FGF13: variants seen among roughly 807,000 people sequenced by gnomAD.
FGF13 encodes fibroblast growth factor 13.
FGF13 carries 2 observed loss-of-function variants against 19.5 expected under a neutral mutation model. The observed-to-expected ratio is 0.10, with a 90% CI of 0.04 to 0.32. FGF13 has a LOEUF of 0.32. FGF13 is among the 10% of genes least tolerant of loss of function. FGF13 has a pLI of 1.00. For missense variants in FGF13, 113 were observed against 192.7 expected, an observed-to-expected ratio of 0.59 and a Z score of 2.45; for synonymous variants, 72 against 76.9, an observed-to-expected ratio of 0.94 and a Z score of 0.33.
At chrX:139,157,919 A>ATGG (rs1391116740) in intron 1 of FGF13, among the ~76,000 whole-genome samples, 1 of 112,236 alleles carries the variant, frequency 8.9e-6, no homozygotes, top group Non-Finnish European at 1.9e-5. Context: ...GCTCATCTCA[A>ATGG]TGGGACTGGT....
intron 1 of FGF13, among the ~76,000 whole-genome samples, chrX:139,123,167 C>T (rs938129376): frequency 8.9e-6 from 1 of 111,802 alleles, no homozygotes; most frequent in Non-Finnish European, 1.9e-5. Flanking sequence ...GACAGTGTTC[C>T]TGTTCCCACC....
intron 1 of FGF13, among the ~76,000 whole-genome samples, chrX:139,129,181 A>AGG (rs1556370095): frequency 1.1e-5 from 1 of 87,100 alleles, no homozygotes; most frequent in Non-Finnish European, 2.2e-5. Context: ...ACACACACAC[A>AGG]TGTGTGTGTG....
intron 1 of FGF13, among the ~76,000 whole-genome samples, chrX:138,870,533 C>T (rs1277219624): frequency 1.1e-4 from 12 of 112,157 alleles, no homozygotes; most frequent in African/African-American, 3.9e-4. Context: ...TCAAAAATGC[C>T]CATGTCCTAA....
At chrX:138,996,192 C>T (rs2094160784) in intron 1 of FGF13, among the ~76,000 whole-genome samples, 1 of 112,300 alleles carries the variant, frequency 8.9e-6, no homozygotes, top group African/African-American at 3.2e-5. Context: ...ACAGTGGGCG[C>T]AACCCACAGA....
intron 3 of FGF13, among the ~76,000 whole-genome samples, chrX:138,841,339 C>T (rs1024238864): frequency 9.0e-5 from 10 of 110,883 alleles, no homozygotes; most frequent in African/African-American, 1.3e-4. Flanking sequence ...GCTCAACCAA[C>T]GCAGCAAAAA....
At chrX:139,036,336 T>C (rs908547690) in intron 1 of FGF13, among the ~76,000 whole-genome samples, 1 of 111,385 alleles carries the variant, frequency 9.0e-6, no homozygotes, top group Non-Finnish European at 1.9e-5. Flanking sequence ...CTCCTTTCTA[T>C]GGAGTTTACT....
chrX:139,018,352 A>G (rs981375636), intron 1 of FGF13, among the ~76,000 whole-genome samples: 3 of 111,841 alleles, frequency 2.7e-5, no homozygotes, highest in Non-Finnish European at 5.6e-5. Flanking sequence ...TACCAGGACT[A>G]TCAGGCCAGT....
intron 1 of FGF13, among the ~76,000 whole-genome samples, chrX:138,941,240 A>G (rs2091757053): frequency 8.9e-6 from 1 of 111,774 alleles, no homozygotes; most frequent in Non-Finnish European, 1.9e-5. Flanking sequence ...GAAATAAAAG[A>G]CATCCAAATA....
intron 1 of FGF13, among the ~76,000 whole-genome samples, chrX:139,026,799 T>C (rs145756071): frequency 2.7e-3 from 306 of 112,053 alleles, no homozygotes; most frequent in African/African-American, 9.6e-3. Flanking sequence ...CAGTGTTCAT[T>C]CAGCATTCTC....
intron 1 of FGF13, among the ~76,000 whole-genome samples, chrX:138,970,110 C>T (rs1229921887): frequency 9.0e-6 from 1 of 111,639 alleles, no homozygotes; most frequent in Non-Finnish European, 1.9e-5. Flanking sequence ...GGGCACTTTA[C>T]ATCCACCACG....
At chrX:138,914,108 A>T (rs1057300338) in intron 1 of FGF13, among the ~76,000 whole-genome samples, 1 of 109,258 alleles carries the variant, frequency 9.2e-6, no homozygotes, top group Admixed American at 9.9e-5. Flanking sequence ...CAAATCAATC[A>T]TCAGTCTTCT....
Position 138,903,026 on chromosome X carries a change from C to A in FGF13, c.-112-38376G>T, listed in dbSNP as rs996612198. ...AAAAATGAAAAAAAAATACTAATTA[C>A]TAGATTTTGTCCATCATCAAAGGAC... is the stretch of plus-strand genomic sequence containing the variant. On this transcript the variant is annotated intron_variant, in intron 1 of 2. Transcript: ENST00000421460. Among the ~76,000 whole-genome samples, 4 of 111,537 alleles carry A rather than the reference C, an allele frequency of 3.6e-5. No individual in the cohort carries two copies. The East Asian group carries it at 1.1e-3, about 32-fold the overall frequency.
At chrX:138,969,482 T>TG (rs2124315215) in intron 1 of FGF13, among the ~76,000 whole-genome samples, 1 of 111,822 alleles carries the variant, frequency 8.9e-6, no homozygotes, top group East Asian at 2.8e-4. Flanking sequence ...AAGCAGTTTG[T>TG]GGAGAAGAAT....
intron 3 of FGF13, among the ~76,000 whole-genome samples, chrX:138,812,398 C>A (rs2090932910): frequency 9.0e-6 from 1 of 111,532 alleles, no homozygotes; most frequent in African/African-American, 3.3e-5. Flanking sequence ...GTTTTCATTT[C>A]TCTTGGATAT....
chrX:138,999,261 T>A (rs1349156346), intron 1 of FGF13, among the ~76,000 whole-genome samples: 1 of 111,462 alleles, frequency 9.0e-6, no homozygotes, highest in Non-Finnish European at 1.9e-5. Flanking sequence ...TACTCTCACA[T>A]CACAATTAAA....
At chrX:138,951,259 C>T (rs184256111) in intron 1 of FGF13, among the ~76,000 whole-genome samples, 1 of 111,734 alleles carries the variant, frequency 8.9e-6, no homozygotes, top group East Asian at 2.8e-4. Context: ...CTAATGCATC[C>T]TCTATAACAA....
At chrX:138,985,567 A>T (rs1396412120) in intron 1 of FGF13, among the ~76,000 whole-genome samples, 1 of 111,932 alleles carries the variant, frequency 8.9e-6, no homozygotes, top group African/African-American at 3.2e-5. Context: ...CAGTAGTCCA[A>T]CAGGCTGGAA....
At chrX:138,647,547 G>T (rs921024287) in intron 3 of FGF13, among the ~76,000 whole-genome samples, 1 of 111,642 alleles carries the variant, frequency 9.0e-6, no homozygotes, top group Non-Finnish European at 1.9e-5. Context: ...GTTTGGCCAC[G>T]TATCTAGCTA....
chrX:139,008,382 C>T (rs2092113255), intron 1 of FGF13, among the ~76,000 whole-genome samples: 1 of 112,439 alleles, frequency 8.9e-6, no homozygotes, highest in African/African-American at 3.2e-5. Context: ...GGCTGGAGGC[C>T]AACAAACACA....
Sources: gnomAD v4.1 joint callset for allele counts (sites outside exome capture counted in the v4.1 genomes callset) on GRCh38, gnomAD v4.1.1 for gene constraint, MANE v1.5 for transcripts, NCBI Gene and HGNC (gene_info 2026-07-23, HGNC 2026-07-21) for gene names.